Variants in SLC26A1 observed in about 807,000 individuals in gnomAD.
SLC26A1 encodes sulfate anion transporter 1.
Under a neutral mutation model 14.5 loss-of-function variants are expected in SLC26A1, and 18 were observed. The ratio of observed to expected loss-of-function variants is 1.24; its 90% CI spans 0.86 to 1.84. SLC26A1 has a LOEUF of 1.84. Ranked by LOEUF, SLC26A1 falls within the 40% of genes most tolerant of loss-of-function variation. SLC26A1 has a pLI of 0.00. For missense variants in SLC26A1, 1,049 were observed against 1,020.0 expected, an observed-to-expected ratio of 1.03 and a Z score of -0.39; for synonymous variants, 505 against 492.0, an observed-to-expected ratio of 1.03 and a Z score of -0.35.
At chr4:990,798 C>A (rs1331644959) in intron 2 of SLC26A1, 1 of 403,706 alleles carries the variant, frequency 2.5e-6, no homozygotes, top group Non-Finnish European at 4.4e-6. Context: ...CCATCCCCCA[C>A]TCCACCTAGG....
intron 2 of SLC26A1, 193 bp downstream of exon 2, chr4:990,935 T>TC (rs2153017694): frequency 1.7e-6 from 1 of 591,832 alleles, no homozygotes; most frequent in Admixed American, 3.4e-5. Flanking sequence ...CCCTCCTGCA[T>TC]CCACAGCCTC....
chr4:990,709 A>G (rs1714221951), intron 2 of SLC26A1: 1 of 410,826 alleles, frequency 2.4e-6, no homozygotes, highest in Non-Finnish European at 4.4e-6. Context: ...CATGGTGCCC[A>G]CTGCCCCCCA....
chr4:979,416 C>A, exon 3 of SLC26A1: 3 of 1,560,244 alleles, frequency 1.9e-6, no homozygotes, highest in Non-Finnish European at 2.6e-6. Flanking sequence ...TCAGCAAGAT[C>A]TTTCCTCCTC....
Position 988,482 on chromosome 4 carries a change from C to T in SLC26A1, c.*351G>A. 1 of 1,123,008 alleles carries T rather than the reference C, an allele frequency of 8.9e-7. No individual in the cohort carries two copies. The highest frequency in any genetic ancestry group is 1.1e-6 in the Non-Finnish European group (1 of 916,404). The allele number at this position is 1,123,008 out of a possible 1,614,324, so 69.6% of individuals were successfully genotyped here. Reference sequence around the variant, plus strand: ...TGGGCATAGGGAGTCCTCTTGGCACCTTGGAGGCTGCATGATGGCGGGGGA... The same window carrying T: ...TGGGCATAGGGAGTCCTCTTGGCACTTTGGAGGCTGCATGATGGCGGGGGA... On this transcript the variant is annotated 3_prime_UTR_variant, in exon 3 of 3. Coordinates refer to ENST00000398516, the MANE Select transcript of SLC26A1 (RefSeq NM_022042.4).
In SLC26A1 at chr4:991,311, G is replaced by T; in HGVS notation, c.393C>A (p.Leu131=). 1 of 1,612,836 alleles carries T rather than the reference G, an allele frequency of 6.2e-7. No homozygotes were observed. The highest frequency in any genetic ancestry group is 1.1e-5 in the South Asian group (1 of 91,088). Residue 131 remains leucine (L), a synonymous_variant, in exon 2 of 3, where the codon CTC becomes CTA. Coordinates refer to ENST00000398516, the MANE Select transcript of SLC26A1 (RefSeq NM_022042.4). ...CCCGGTCCACCACCTGCCCCACCAT[G>T]AGGCAAAGCAGGCTGAAGATGCCCA... is the stretch of plus-strand genomic sequence containing the variant. ...VSVGIFSLLC[L]MVGQVVDREL...
chr4:980,402 A>G (rs1196351171), intron 2 of SLC26A1, among the ~76,000 whole-genome samples: 1 of 152,188 alleles, frequency 6.6e-6, no homozygotes, highest in Non-Finnish European at 1.5e-5. Context: ...CCTGGCCAAC[A>G]TGGTGAAACC....
Position 989,163 on chromosome 4 carries a change from G to A in SLC26A1, c.1776C>T (p.Asp592=). 6.2e-7 allele frequency: 1 copy of A among 1,607,292 alleles called. No individual in the cohort carries two copies. The highest frequency in any genetic ancestry group is 2.2e-5 in the East Asian group (1 of 44,664). ...VGEGGPAQGE[D]LGPVSTRAAL... ...CAGCCCTGGTGCTAACCGGGCCCAG[G>A]TCCTCGCCCTGGGCAGGGCCTCCCT... is the stretch of plus-strand genomic sequence containing the variant. The change falls in exon 3 of 3, where the codon GAC becomes GAT. Residue 592 remains aspartate (D), a synonymous_variant. Coordinates refer to ENST00000398516, the MANE Select transcript of SLC26A1 (RefSeq NM_022042.4).
Position 979,346 on chromosome 4 carries a change from T to C in SLC26A1, c.*60A>G, listed in dbSNP as rs955476200. On this transcript the variant is annotated 3_prime_UTR_variant, in exon 3 of 3. Coordinates refer to the SLC26A1 transcript ENST00000398520. ...ATAAGCTGTATCCACCGGCTTCTCG[T>C]GAGGCTGGTGTGAGGGTCCCGCATT... 9 of 982,144 alleles carry C rather than the reference T, an allele frequency of 9.2e-6. No individual in the cohort carries two copies. The East Asian group carries it at 2.3e-4, about 26-fold the overall frequency. The allele number at this position is 982,144 out of a possible 1,614,324, so 60.8% of individuals were successfully genotyped here.
chr4:985,247 C>G (rs867895412), downstream of SLC26A1, among the ~76,000 whole-genome samples: 1 of 152,262 alleles, frequency 6.6e-6, no homozygotes, highest in Admixed American at 6.5e-5. Flanking sequence ...AGCAGCGTGT[C>G]GCCATGTCTT....
At chr4:987,302 T>C, downstream of SLC26A1, 2 of 1,436,970 alleles carry the variant, frequency 1.4e-6, no homozygotes, top group Non-Finnish European at 1.9e-6. Context: ...GGGCGCCCCC[T>C]GACTGCGCAC....
rs548954568 is a variant in SLC26A1, at chr4:989,846, G to A, written c.1093C>T (p.Arg365Cys). 6.3e-6 allele frequency: 10 copies of A among 1,578,432 alleles called. No individual in the cohort carries two copies. The highest frequency in any genetic ancestry group is 1.7e-4 in the Middle Eastern group (1 of 5,908). ...GCACGCACAGAGTAGCCGTGACTGC[G>A]GGCGAACATCTCCGCCAGCGAGATG... is the stretch of plus-strand genomic sequence containing the variant. ...FSISLAEMFA[R>C]SHGYSVRANQ... The change falls in exon 3 of 3, where the codon CGC (arginine) becomes TGC (cysteine). Residue 365 changes from arginine (R) to cysteine (C), a missense_variant. By Grantham distance (180) the Arg-to-Cys change is radical. Coordinates refer to ENST00000398516, the MANE Select transcript of SLC26A1 (RefSeq NM_022042.4).
At chr4:979,380 C>G (rs763075365) in exon 3 of SLC26A1, 1 of 1,294,042 alleles carries the variant, frequency 7.7e-7, no homozygotes, top group Non-Finnish European at 1.1e-6. Flanking sequence ...TTCTCGATGT[C>G]GTTGATGTCG....
rs1713941210 is a variant in SLC26A1, at chr4:988,618, A to G, written c.*215T>C. On this transcript the variant is annotated 3_prime_UTR_variant, in exon 3 of 3. Coordinates refer to ENST00000398516, the MANE Select transcript of SLC26A1 (RefSeq NM_022042.4). ...AGCACTGTGGGCCAGCCTGTCTCGG[A>G]GGCAGAGGTTCTTGATTTCTGAGTG... 7.3e-7 allele frequency: 1 copy of G among 1,375,308 alleles called. No individual in the cohort carries two copies. The highest frequency in any genetic ancestry group is 9.3e-7 in the Non-Finnish European group (1 of 1,070,032). The allele number at this position is 1,375,308 out of a possible 1,614,324, so 85.2% of individuals were successfully genotyped here.
At chr4:986,974 C>G (rs1713763720), downstream of SLC26A1, 1 of 1,083,080 alleles carries the variant, frequency 9.2e-7, no homozygotes, top group Admixed American at 2.2e-5. Flanking sequence ...GCCCCCTCAC[C>G]AAGGCCCCGC....
intron 2 of SLC26A1, among the ~76,000 whole-genome samples, chr4:980,532 G>A (rs1440392043): frequency 6.7e-6 from 1 of 149,790 alleles, no homozygotes; most frequent in Non-Finnish European, 1.5e-5. Context: ...GCTGCAGTGA[G>A]CCAGGATCGC....
chr4:989,150 T>A lies in SLC26A1; in HGVS notation c.1789A>T (p.Ser597Cys), dbSNP rs373935098. The change falls in exon 3 of 3, where the codon AGC becomes TGC. Residue 597 changes from serine to cysteine, a missense_variant. Physicochemically the swap from Ser to Cys is moderately radical, Grantham distance 112. Coordinates refer to ENST00000398516, the MANE Select transcript of SLC26A1 (RefSeq NM_022042.4). ...PAQGEDLGPVSTRAALVPAAA... is the reference protein window; with the variant it reads ...PAQGEDLGPVCTRAALVPAAA... Reference sequence around the variant, plus strand: ...GCGGGCACCAGCGCAGCCCTGGTGCTAACCGGGCCCAGGTCCTCGCCCTGG... The same window carrying A: ...GCGGGCACCAGCGCAGCCCTGGTGCAAACCGGGCCCAGGTCCTCGCCCTGG... 49 of 1,607,696 alleles carry A rather than the reference T, an allele frequency of 3.0e-5. 1 individual carries two copies. The highest frequency in any genetic ancestry group is 2.3e-4 in the Admixed American group (14 of 59,724).
chr4:981,257 T>C (rs946463488), intron 2 of SLC26A1, among the ~76,000 whole-genome samples: 2 of 152,230 alleles, frequency 1.3e-5, no homozygotes, highest in African/African-American at 4.8e-5. Flanking sequence ...CGCAGTCCAG[T>C]ATCTTTTCGT....
chr4:990,541 G>C, intron 2 of SLC26A1, 179 bp from the exon 3 acceptor site: 1 of 625,576 alleles, frequency 1.6e-6, no homozygotes, highest in Non-Finnish European at 2.8e-6. Context: ...TTCCACGCGT[G>C]CTCATGCCCG....
rs1713943697 is a variant in SLC26A1 at position 988,654 on chromosome 4, G to A, written c.*179C>T. Reference sequence around the variant, plus strand: ...CTTGATTTCTGAGTGTTTGGGTCCTGCGTGTGATCAGAGGGCCTCCTTTCC... The same window carrying A: ...CTTGATTTCTGAGTGTTTGGGTCCTACGTGTGATCAGAGGGCCTCCTTTCC... On this transcript the variant is annotated 3_prime_UTR_variant, in exon 3 of 3. Coordinates refer to ENST00000398516, the MANE Select transcript of SLC26A1 (RefSeq NM_022042.4). The A allele has an allele frequency of 2.8e-6, 4 of 1,407,346 alleles. No homozygotes were observed. The highest frequency in any genetic ancestry group is 6.4e-5 in the Admixed American group (2 of 31,494). 87.2% of individuals were successfully genotyped at this position (1,407,346 alleles called of 1,614,324 possible).
Sources: allele counts gnomAD v4.1 joint callset (sites outside exome capture counted in the v4.1 genomes callset), GRCh38; gene constraint gnomAD v4.1.1; transcripts MANE v1.5; gene names NCBI Gene and HGNC (gene_info 2026-07-23, HGNC 2026-07-21).